The following PCLO variants were observed in gnomAD, a reference collection of about 807,000 sequenced individuals.
PCLO encodes protein piccolo.
Under a neutral mutation model 427.5 loss-of-function variants are expected in PCLO, and 82 were observed. The ratio of observed to expected loss-of-function variants is 0.19; its 90% CI spans 0.16 to 0.23. The LOEUF is 0.23. Among genes scored for constraint, PCLO ranks in the 10% least tolerant of loss-of-function variants. The probability of loss-of-function intolerance (pLI) is 1.00; values close to 1 mark genes in which losing one functional copy is unlikely to be tolerated. For missense variants in PCLO, 6,239 were observed against 6,115.9 expected, an observed-to-expected ratio of 1.02 and a Z score of -0.67; for synonymous variants, 2,357 against 2,155.4, an observed-to-expected ratio of 1.09 and a Z score of -2.59.
rs1325844675 is a variant in PCLO, at chr7:82,973,710, T to TA, written c.3301-7224dup. Among the ~76,000 whole-genome samples the TA allele has an allele frequency of 4.3e-3, 626 of 144,642 alleles. 4 individuals are homozygous for TA. Among genetic ancestry groups the TA allele is most frequent in the African/African-American group, 0.012 (480 of 39,928 alleles). The allele number at this position is 144,642 out of a possible 152,430, so 94.9% of individuals were successfully genotyped here. A position where few individuals can be genotyped will look rare whatever the true frequency, so the allele number is the denominator to read the frequency against. On this transcript the variant is annotated intron_variant, in intron 3 of 24. Coordinates refer to ENST00000333891, the MANE Select transcript of PCLO (RefSeq NM_033026.6). ...AACTTGCATTCAGCAGAAGGCAGAT[T>TA]AAAAAAAAAAAACTTGCAATGTAGG... is the stretch of plus-strand genomic sequence containing the variant.
chr7:82,965,273 T>C (rs1221491888), intron 4 of PCLO, among the ~76,000 whole-genome samples: 4 of 148,692 alleles, frequency 2.7e-5, no homozygotes, highest in Admixed American at 2.1e-4. Context: ...CTTTGGATTT[T>C]AGTTACGTCA....
intron 18 of PCLO, among the ~76,000 whole-genome samples, chr7:82,825,068 G>A (rs929895381): frequency 2.6e-5 from 4 of 152,162 alleles, no homozygotes; most frequent in East Asian, 1.9e-4. Flanking sequence ...GGAAAAGAAT[G>A]AGTAAGTTGC....
intron 22 of PCLO, among the ~76,000 whole-genome samples, chr7:82,770,823 T>A (rs2129467829): frequency 6.6e-6 from 1 of 152,054 alleles, no homozygotes; most frequent in African/African-American, 2.4e-5. Context: ...CTACTCGATT[T>A]TTTTAAAAAA....
rs115990156 is a variant in PCLO at position 83,074,489 on chromosome 7, G to A, written c.3300+59761C>T. The stretch of plus-strand genomic sequence containing the variant: ...ATAAAATGCCCAGATAGGCTGCATG[G>A]ACACCTATGAGACGTAGAATGAGTG... On this transcript the variant is annotated intron_variant, in intron 3 of 24. Coordinates refer to ENST00000333891, the MANE Select transcript of PCLO (RefSeq NM_033026.6). Among the ~76,000 whole-genome samples, 592 of 150,016 alleles carry A rather than the reference G, an allele frequency of 3.9e-3. 2 individuals carry two copies. The highest frequency in any genetic ancestry group is 0.013 in the African/African-American group (542 of 40,760).
At chr7:83,106,777 A>C (rs997211486) in intron 3 of PCLO, among the ~76,000 whole-genome samples, 1 of 152,190 alleles carries the variant, frequency 6.6e-6, no homozygotes, top group Non-Finnish European at 1.5e-5. Context: ...GTATGTCTCA[A>C]GTAACACAAA....
chr7:82,801,432 AT>A, intron 22 of PCLO, 85 bp downstream of exon 22: 1 of 735,742 alleles, frequency 1.4e-6, no homozygotes, highest in South Asian at 1.6e-5. Context: ...TAACATTTAA[AT>A]TCATGTTAAA....
intron 3 of PCLO, among the ~76,000 whole-genome samples, chr7:82,993,364 A>C (rs546560218): frequency 6.6e-6 from 1 of 152,036 alleles, no homozygotes; most frequent in Non-Finnish European, 1.5e-5. Flanking sequence ...AACACAAGGA[A>C]CTAAGCTGAC....
intron 3 of PCLO, among the ~76,000 whole-genome samples, chr7:83,133,790 T>C (rs1035777224): frequency 6.6e-6 from 1 of 152,084 alleles, no homozygotes; most frequent in Non-Finnish European, 1.5e-5. Context: ...TTATGCATAT[T>C]CAACCAAACA....
At chr7:82,972,207 C>G (rs1405127923) in intron 3 of PCLO, among the ~76,000 whole-genome samples, 1 of 151,918 alleles carries the variant, frequency 6.6e-6, no homozygotes, top group African/African-American at 2.4e-5. Context: ...AACATCAATT[C>G]ACGAGAGCTT....
rs184943153 is a variant in PCLO, at chr7:82,971,985, A to G, written c.3301-5498T>C. Among the ~76,000 whole-genome samples the G allele has an allele frequency of 4.6e-5, 7 of 151,900 alleles. No homozygotes were observed. In the East Asian group the frequency reaches 1.4e-3, roughly 29 times the overall value. Reference sequence around the variant, plus strand: ...AAGTTTATGTTTCATCTATGTTATCATTAAATATAAACAAACTCAGAGGCC... The same window carrying G: ...AAGTTTATGTTTCATCTATGTTATCGTTAAATATAAACAAACTCAGAGGCC... On this transcript the variant is annotated intron_variant, in intron 3 of 24. Transcript: ENST00000333891.
chr7:82,796,063 A>G (rs1285130803), intron 22 of PCLO, among the ~76,000 whole-genome samples: 1 of 152,192 alleles, frequency 6.6e-6, no homozygotes, highest in East Asian at 1.9e-4. Context: ...CAAGCAATTG[A>G]CAATGCTTTG....
rs539981415 is a variant in PCLO at position 83,159,993 on chromosome 7, A to G, written c.248+2352T>C. 2.2e-4 allele frequency among the ~76,000 whole-genome samples: 33 copies of G among 152,270 alleles called. No homozygotes were observed. The South Asian group carries it at 6.0e-3, about 28-fold the overall frequency. ...TTGAACTGATTTTTCCACATGTAAAAGAAAACTGACACATCAAAATAACCC... is the reference window on the plus strand; with the variant it reads ...TTGAACTGATTTTTCCACATGTAAAGGAAAACTGACACATCAAAATAACCC... On this transcript the variant is annotated intron_variant, in intron 1 of 24. Coordinates refer to ENST00000333891, the MANE Select transcript of PCLO (RefSeq NM_033026.6).
intron 2 of PCLO, among the ~76,000 whole-genome samples, chr7:83,149,487 C>T (rs1315390102): frequency 6.6e-6 from 1 of 152,120 alleles, no homozygotes; most frequent in African/African-American, 2.4e-5. Flanking sequence ...CATTTGTGTG[C>T]TCAGTCCTCC....
At chr7:83,127,673 G>C (rs766902163) in intron 3 of PCLO, among the ~76,000 whole-genome samples, 2 of 152,062 alleles carry the variant, frequency 1.3e-5, no homozygotes, top group Non-Finnish European at 2.9e-5. Context: ...TCTTCTGGTA[G>C]CAATTACTTC....
chr7:82,991,853 G>A (rs901385892), intron 3 of PCLO, among the ~76,000 whole-genome samples: 1 of 151,940 alleles, frequency 6.6e-6, no homozygotes, highest in Non-Finnish European at 1.5e-5. Flanking sequence ...GTTTCATAGG[G>A]CAATTATGTC....
intron 3 of PCLO, among the ~76,000 whole-genome samples, chr7:83,011,524 C>T (rs560531285): frequency 2.0e-5 from 3 of 151,500 alleles, no homozygotes; most frequent in Non-Finnish European, 4.4e-5. Context: ...TGATTTTATT[C>T]TGAGGAACTT....
At chr7:82,813,020 C>T (rs1043300763) in intron 20 of PCLO, among the ~76,000 whole-genome samples, 1 of 151,554 alleles carries the variant, frequency 6.6e-6, no homozygotes, top group East Asian at 1.9e-4. Flanking sequence ...TTACATAATC[C>T]TGAAACTGTG....
chr7:82,970,678 G>A (rs1441583780), intron 3 of PCLO, among the ~76,000 whole-genome samples: 1 of 151,774 alleles, frequency 6.6e-6, no homozygotes, highest in Non-Finnish European at 1.5e-5. Flanking sequence ...CAAAGCCCTA[G>A]AGTAACACCA....
At chr7:83,104,472 T>C (rs1790806802) in intron 3 of PCLO, among the ~76,000 whole-genome samples, 2 of 152,008 alleles carry the variant, frequency 1.3e-5, no homozygotes, top group Admixed American at 1.3e-4. Context: ...CCTTCAGAGA[T>C]TTACTTCATA....
Sources: allele counts gnomAD v4.1 joint callset (sites outside exome capture counted in the v4.1 genomes callset), GRCh38; gene constraint gnomAD v4.1.1; transcripts MANE v1.5; gene names NCBI Gene and HGNC (gene_info 2026-07-23, HGNC 2026-07-21).